The following OR5B12 variants were observed in gnomAD, a reference collection of about 807,000 sequenced individuals.
OR5B12 encodes the protein olfactory receptor 5B12.
For synonymous variants in OR5B12, 154 were observed against 138.0 expected, an observed-to-expected ratio of 1.12 and a Z score of -0.81; for missense variants, 418 against 377.0, an observed-to-expected ratio of 1.11 and a Z score of -0.90.
chr11:58,439,320 T>C lies in OR5B12; in HGVS notation c.832A>G (p.Ile278Val), dbSNP rs1855469759. 1 of 1,613,890 alleles carries C rather than the reference T, an allele frequency of 6.2e-7. No homozygotes were observed. The highest frequency in any genetic ancestry group is 8.5e-7 in the Non-Finnish European group (1 of 1,179,830). Reference protein sequence around the residue: ...TDKMASVFYAIVIPMLNPLVY... With the variant: ...TDKMASVFYAVVIPMLNPLVY... ...AGTGGATTCAACATGGGAATGACTA[T>C]GGCATAGAACACAGATGCCATTTTG... The change falls in exon 2 of 2, where the codon ATA becomes GTA. Residue 278 changes from isoleucine to valine, a missense_variant. By Grantham distance (29) the Ile-to-Val change is conservative. Coordinates refer to ENST00000641921, the MANE Select transcript of OR5B12 (RefSeq NM_001004733.3).
Position 58,439,288 on chromosome 11 carries a change from G to A in OR5B12, c.864C>T (p.Tyr288=), listed in dbSNP as rs369242176. Reference sequence around the variant, plus strand: ...TCTTAACCTCTTTGTTCCTCAGGCTGTAGACCAGTGGATTCAACATGGGAA... The same window carrying A: ...TCTTAACCTCTTTGTTCCTCAGGCTATAGACCAGTGGATTCAACATGGGAA... The part of the protein sequence containing the change: ...IVIPMLNPLV[Y]SLRNKEVKSA... The change falls in exon 2 of 2, where the codon TAC becomes TAT. Residue 288 remains tyrosine (Y), a synonymous_variant. Coordinates refer to ENST00000641921, the MANE Select transcript of OR5B12 (RefSeq NM_001004733.3). The A allele has an allele frequency of 5.0e-6, 8 of 1,613,726 alleles. No individual in the cohort carries two copies. Among genetic ancestry groups the A allele is most frequent in the Non-Finnish European group, 6.8e-6 (8 of 1,179,808 alleles).
At position 58,439,923 on chromosome 11, in the gene OR5B12, G is replaced by C; in HGVS notation, c.229C>G (p.Pro77Ala). The change falls in exon 2 of 2, where the codon CCC becomes GCC. Residue 77 changes from proline (P) to alanine (A), a missense_variant. Physicochemically the swap from Pro to Ala is conservative, Grantham distance 27. Transcript: ENST00000641921. ...GTGAGAAACCCCACCATCACCTTGGGAGTGACAGCTGAGGAATAACCAAAG... is the reference window on the plus strand; with the variant it reads ...GTGAGAAACCCCACCATCACCTTGGCAGTGACAGCTGAGGAATAACCAAAG... ...VDFGYSSAVT[P>A]KVMVGFLTGD... 6.2e-7 allele frequency: 1 copy of C among 1,614,098 alleles called. No individual in the cohort carries two copies. Among genetic ancestry groups the C allele is most frequent in the Non-Finnish European group, 8.5e-7 (1 of 1,180,004 alleles).
chr11:58,441,850 G>C (rs1855504788), intron 1 of OR5B12, among the ~76,000 whole-genome samples, 196 bp downstream of exon 1: 1 of 152,050 alleles, frequency 6.6e-6, no homozygotes, highest in Non-Finnish European at 1.5e-5. Context: ...AAACACTTCT[G>C]TTCCCAAATA....
At position 58,439,533 on chromosome 11, in the gene OR5B12, A is replaced by G; in HGVS notation, c.619T>C (p.Phe207Leu). The G allele has an allele frequency of 1.9e-6, 3 of 1,613,774 alleles. No homozygotes were observed. Among genetic ancestry groups the G allele is most frequent in the Non-Finnish European group, 2.5e-6 (3 of 1,179,932 alleles). The change falls in exon 2 of 2, where the codon TTT (phenylalanine) becomes CTT (leucine). Residue 207 changes from phenylalanine to leucine, a missense_variant. Coordinates refer to ENST00000641921, the MANE Select transcript of OR5B12 (RefSeq NM_001004733.3). ...GAGATCAAGATTACCAGGATAGAAAAGAGGTCATTGAATCCCACCACAAAA... is the reference window on the plus strand; with the variant it reads ...GAGATCAAGATTACCAGGATAGAAAGGAGGTCATTGAATCCCACCACAAAA... ...IFFVVGFNDL[F>L]SILVILISYL...
intron 1 of OR5B12, among the ~76,000 whole-genome samples, chr11:58,441,067 T>C (rs960829823): frequency 6.6e-6 from 1 of 152,044 alleles, no homozygotes; most frequent in African/African-American, 2.4e-5. Flanking sequence ...AACTGTGTGA[T>C]AGATGTTAAT....
Position 58,439,579 on chromosome 11 carries a change from G to A in OR5B12, c.573C>T (p.Tyr191=). 6.2e-7 allele frequency: 1 copy of A among 1,613,862 alleles called. No individual in the cohort carries two copies. Among genetic ancestry groups the A allele is most frequent in the Non-Finnish European group, 8.5e-7 (1 of 1,179,904 alleles). The change falls in exon 2 of 2, where the codon TAC becomes TAT. Residue 191 remains tyrosine, a synonymous_variant. Transcript: ENST00000641921. The stretch of plus-strand genomic sequence containing the variant: ...CAAAAAAAATAACCATCTCACTGAT[G>A]TAGTTGTCTGAACATGAGAGAGTCA... ...PLLTLSCSDN[Y]ISEMVIFFVV... is the part of the protein sequence containing the mutation.
In OR5B12 at chr11:58,439,347, C is replaced by T. The variant is rs1446098299; in HGVS notation, c.805G>A (p.Asp269Asn). Reference protein sequence around the residue: ...RPNSSHFMGTDKMASVFYAIV... With the variant: ...RPNSSHFMGTNKMASVFYAIV... ...GCATAGAACACAGATGCCATTTTGT[C>T]TGTGCCCATGAAATGGCTGGAGTTA... The change falls in exon 2 of 2, where the codon GAC (aspartate) becomes AAC (asparagine). Residue 269 changes from aspartate to asparagine, a missense_variant. Asp to Asn is a conservative substitution (Grantham distance 23). Coordinates refer to ENST00000641921, the MANE Select transcript of OR5B12 (RefSeq NM_001004733.3). 4 of 1,613,964 alleles carry T rather than the reference C, an allele frequency of 2.5e-6. No homozygotes were observed. In the East Asian group the frequency reaches 6.7e-5, roughly 27 times the overall value.
At position 58,442,132 on chromosome 11, in the gene OR5B12, G is replaced by T. The variant is rs1445312302; in HGVS notation, c.-106C>A. On this transcript the variant is annotated 5_prime_UTR_variant, in exon 1 of 2. Transcript: ENST00000641921. ...TCAGAAATTAAGTCCTTTAAAGAAG[G>T]AAAACAACTTTTTGGAGACTGTTCT... is the stretch of plus-strand genomic sequence containing the variant. 1.3e-5 allele frequency: 2 copies of T among 152,140 alleles called. No homozygotes were observed. The highest frequency in any genetic ancestry group is 4.8e-5 in the African/African-American group (2 of 41,426). The allele number at this position is 152,140 out of a possible 1,614,324, so 9.4% of individuals were successfully genotyped here. A position where few individuals can be genotyped will look rare whatever the true frequency, so the allele number is the denominator to read the frequency against.
chr11:58,441,523 T>C lies in OR5B12; in HGVS notation c.-20+523A>G, dbSNP rs563676397. Among the ~76,000 whole-genome samples the C allele has an allele frequency of 2.9e-3, 437 of 152,258 alleles. 2 individuals carry two copies. Among genetic ancestry groups the C allele is most frequent in the African/African-American group, 0.01 (418 of 41,570 alleles). On this transcript the variant is annotated intron_variant, in intron 1 of 1. Coordinates refer to ENST00000641921, the MANE Select transcript of OR5B12 (RefSeq NM_001004733.3). ...GAGGCCTTCTTGTGCTTTTTCTTTATGTCACATGATAAGTAAACACATTCT... is the reference window on the plus strand; with the variant it reads ...GAGGCCTTCTTGTGCTTTTTCTTTACGTCACATGATAAGTAAACACATTCT...
chr11:58,439,807 T>C lies in OR5B12; in HGVS notation c.345A>G (p.Ser115=), dbSNP rs145089747. The C allele has an allele frequency of 3.1e-5, 50 of 1,614,166 alleles. 1 individual carries two copies. In the South Asian group the frequency reaches 4.5e-4, roughly 15 times the overall value. The change falls in exon 2 of 2, where the codon TCA becomes TCG. Residue 115 remains serine (S), a synonymous_variant. Coordinates refer to ENST00000641921, the MANE Select transcript of OR5B12 (RefSeq NM_001004733.3). ...FITAESFLLA[S]MAYDRYAALC... is the part of the protein sequence containing the mutation. ...ATGCTGCATAGCGGTCATAGGCCATTGATGCCAGGAGGAAACTTTCTGCAG... is the reference window on the plus strand; with the variant it reads ...ATGCTGCATAGCGGTCATAGGCCATCGATGCCAGGAGGAAACTTTCTGCAG...
rs1855468029 is a variant in OR5B12, at chr11:58,439,190, T to C, written c.*17A>G. On this transcript the variant is annotated 3_prime_UTR_variant, in exon 2 of 2. Transcript: ENST00000641921. ...ATATGAGGTGGAAAAAATTATCTTA[T>C]TGTGAATTCTTTATAATTAAAATAT... The C allele has an allele frequency of 7.3e-7, 1 of 1,378,724 alleles. No individual in the cohort carries two copies. The highest frequency in any genetic ancestry group is 1.4e-5 in the South Asian group (1 of 73,908). 85.4% of individuals were successfully genotyped at this position (1,378,724 alleles called of 1,614,324 possible). A position where few individuals can be genotyped will look rare whatever the true frequency, so the allele number is the denominator to read the frequency against.
At position 58,441,989 on chromosome 11, in the gene OR5B12, T is replaced by C. The variant is rs866848958; in HGVS notation, c.-20+57A>G. The C allele has an allele frequency of 3.9e-5, 6 of 152,224 alleles. No homozygotes were observed. In the South Asian group the frequency reaches 1.2e-3, roughly 32 times the overall value. 9.4% of individuals were successfully genotyped at this position (152,224 alleles called of 1,614,324 possible). A position where few individuals can be genotyped will look rare whatever the true frequency, so the allele number is the denominator to read the frequency against. On this transcript the variant is annotated intron_variant, in intron 1 of 1. Coordinates refer to ENST00000641921, the MANE Select transcript of OR5B12 (RefSeq NM_001004733.3). ...AAAGGGGTACCTCGATGCATTTTTCTAGTTACCTCTGCCCCTGTAACTTTG... is the reference window on the plus strand; with the variant it reads ...AAAGGGGTACCTCGATGCATTTTTCCAGTTACCTCTGCCCCTGTAACTTTG...
chr11:58,439,730 C>G lies in OR5B12; in HGVS notation c.422G>C (p.Cys141Ser), dbSNP rs11229457. The change falls in exon 2 of 2, where the codon TGC becomes TCC. Residue 141 changes from cysteine (C) to serine (S), a missense_variant. Cys to Ser is a moderately radical substitution (Grantham distance 112, BLOSUM62 -1). Coordinates refer to ENST00000641921, the MANE Select transcript of OR5B12 (RefSeq NM_001004733.3). ...ACAGATGTAGGAGCCTATGGCCAGGCAAGCACATACATTTGTTGTCATGGT... is the reference window on the plus strand; with the variant it reads ...ACAGATGTAGGAGCCTATGGCCAGGGAAGCACATACATTTGTTGTCATGGT... ...TTTMTTNVCA[C>S]LAIGSYICGF... 6.2e-7 allele frequency: 1 copy of G among 1,613,840 alleles called. No individual in the cohort carries two copies. Among genetic ancestry groups the G allele is most frequent in the East Asian group, 2.2e-5 (1 of 44,866 alleles).
At position 58,439,595 on chromosome 11, in the gene OR5B12, G is replaced by A. The variant is rs1480040385; in HGVS notation, c.557C>T (p.Ser186Leu). The change falls in exon 2 of 2, where the codon TCA becomes TTA. Residue 186 changes from serine to leucine, a missense_variant. Ser to Leu is a moderately radical substitution (Grantham distance 145, BLOSUM62 -2). Transcript: ENST00000641921. ...CTCACTGATGTAGTTGTCTGAACAT[G>A]AGAGAGTCAAGAGAGGAGGAGCATC... ...FCDAPPLLTL[S>L]CSDNYISEMV... 1.9e-6 allele frequency: 3 copies of A among 1,613,912 alleles called. No homozygotes were observed. Among genetic ancestry groups the A allele is most frequent in the African/African-American group, 2.7e-5 (2 of 74,936 alleles).
At position 58,439,785 on chromosome 11, in the gene OR5B12, C is replaced by A; in HGVS notation, c.367G>T (p.Ala123Ser). The A allele has an allele frequency of 6.2e-7, 1 of 1,614,158 alleles. No homozygotes were observed. The highest frequency in any genetic ancestry group is 8.5e-7 in the Non-Finnish European group (1 of 1,180,022). The change falls in exon 2 of 2, where the codon GCA becomes TCA. Residue 123 changes from alanine (A) to serine (S), a missense_variant. Coordinates refer to ENST00000641921, the MANE Select transcript of OR5B12 (RefSeq NM_001004733.3). Reference sequence around the variant, plus strand: ...GTGTAATGCAGGGGTTTACACAATGCTGCATAGCGGTCATAGGCCATTGAT... The same window carrying A: ...GTGTAATGCAGGGGTTTACACAATGATGCATAGCGGTCATAGGCCATTGAT... ...LASMAYDRYA[A>S]LCKPLHYTTT... is the part of the protein sequence containing the mutation.
In OR5B12 at chr11:58,439,248, T is replaced by C; in HGVS notation, c.904A>G (p.Thr302Ala). 2 of 1,611,122 alleles carry C rather than the reference T, an allele frequency of 1.2e-6. No homozygotes were observed. The highest frequency in any genetic ancestry group is 1.7e-6 in the Non-Finnish European group (2 of 1,178,178). ...ATAGAGGCCTTTGCCTTCCCTACAG[T>C]CTTTTTAAAGGCACTCTTAACCTCT... ...NKEVKSAFKK[T>A]VGKAKASIGF... The change falls in exon 2 of 2, where the codon ACT becomes GCT. Residue 302 changes from threonine to alanine, a missense_variant. Coordinates refer to ENST00000641921, the MANE Select transcript of OR5B12 (RefSeq NM_001004733.3).
chr11:58,439,244 A>C lies in OR5B12; in HGVS notation c.908T>G (p.Val303Gly), dbSNP rs780935026. The change falls in exon 2 of 2, where the codon GTA (valine) becomes GGA (glycine). Residue 303 changes from valine (V) to glycine (G), a missense_variant. Coordinates refer to ENST00000641921, the MANE Select transcript of OR5B12 (RefSeq NM_001004733.3). ...TCCTATAGAGGCCTTTGCCTTCCCT[A>C]CAGTCTTTTTAAAGGCACTCTTAAC... ...KEVKSAFKKT[V>G]GKAKASIGFI... 36 of 1,609,756 alleles carry C rather than the reference A, an allele frequency of 2.2e-5. No individual in the cohort carries two copies. The highest frequency in any genetic ancestry group is 2.9e-5 in the Non-Finnish European group (34 of 1,177,260).
chr11:58,439,182 T>G lies in OR5B12; in HGVS notation c.*25A>C, dbSNP rs776073048. On this transcript the variant is annotated 3_prime_UTR_variant, in exon 2 of 2. Coordinates refer to ENST00000641921, the MANE Select transcript of OR5B12 (RefSeq NM_001004733.3). ...AAAGATTAATATGAGGTGGAAAAAA[T>G]TATCTTATTGTGAATTCTTTATAAT... 7.5e-7 allele frequency: 1 copy of G among 1,341,742 alleles called. No homozygotes were observed. The highest frequency in any genetic ancestry group is 1.0e-6 in the Non-Finnish European group (1 of 977,352). The allele number at this position is 1,341,742 out of a possible 1,614,324, so 83.1% of individuals were successfully genotyped here.
rs190679718 is a variant in OR5B12 at position 58,439,615 on chromosome 11, A to G, written c.537T>C (p.Ala179=). Residue 179 remains alanine (A), a synonymous_variant, in exon 2 of 2, where the codon GCT becomes GCC. Coordinates refer to ENST00000641921, the MANE Select transcript of OR5B12 (RefSeq NM_001004733.3). ...SNVVEHFFCD[A]PPLLTLSCSD... Reference sequence around the variant, plus strand: ...AACATGAGAGAGTCAAGAGAGGAGGAGCATCACAGAAAAAGTGTTCAACTA... The same window carrying G: ...AACATGAGAGAGTCAAGAGAGGAGGGGCATCACAGAAAAAGTGTTCAACTA... 142 of 1,614,120 alleles carry G rather than the reference A, an allele frequency of 8.8e-5. No individual in the cohort carries two copies. The highest frequency in any genetic ancestry group is 1.2e-4 in the Non-Finnish European group (140 of 1,180,014).
Sources: allele counts gnomAD v4.1 joint callset (sites outside exome capture counted in the v4.1 genomes callset), GRCh38; gene constraint gnomAD v4.1.1; transcripts MANE v1.5; gene names NCBI Gene and HGNC (gene_info 2026-07-23, HGNC 2026-07-21).